SPAG11A: variants seen among roughly 807,000 people sequenced by gnomAD.
The protein encoded by SPAG11A is sperm-associated antigen 11A.
In SPAG11A, 2 loss-of-function variants were observed where a neutral mutation model predicts 5.5. The observed-to-expected ratio is 0.37, with a 90% confidence interval of 0.15 to 1.15. The LOEUF (loss-of-function observed/expected upper bound fraction) is 1.15. SPAG11A is among the 50% of genes most tolerant of loss of function. The pLI is 0.38. For synonymous variants in SPAG11A, 11 were observed against 42.7 expected (o/e 0.26, Z 2.90); for missense variants, 24 against 122.5 (o/e 0.20, Z 3.80).
downstream of SPAG11A, among the ~76,000 whole-genome samples, chr8:7,861,992 G>A (rs1290090403): frequency 2.2e-5 from 2 of 90,980 alleles, no homozygotes; most frequent in East Asian, 6.1e-4. Flanking sequence ...TTAGGCACAG[G>A]CACCGCTGCA....
At chr8:7,859,927 G>A (rs1208673380) in intron 2 of SPAG11A, among the ~76,000 whole-genome samples, 7 of 145,442 alleles carry the variant, frequency 4.8e-5, no homozygotes, top group African/African-American at 1.8e-4. Context: ...CTGTGACAGG[G>A]CTGAGATGAT....
chr8:7,857,334 G>T (rs1377543616), intron 2 of SPAG11A, among the ~76,000 whole-genome samples: 1 of 97,078 alleles, frequency 1.0e-5, no homozygotes, highest in African/African-American at 3.1e-5. Flanking sequence ...TCCATGCACA[G>T]GATACATTCA....
chr8:7,852,724 T>A (rs1336408084), intron 2 of SPAG11A, among the ~76,000 whole-genome samples: 11 of 149,080 alleles, frequency 7.4e-5, no homozygotes, highest in African/African-American at 2.7e-4. Flanking sequence ...TCCCTTTCTC[T>A]GGAATGCCTC....
At chr8:7,852,339 G>A (rs1192717983) in intron 2 of SPAG11A, among the ~76,000 whole-genome samples, 5 of 152,144 alleles carry the variant, frequency 3.3e-5, no homozygotes, top group African/African-American at 9.7e-5. Flanking sequence ...TTGAGACAGA[G>A]TTTCACCCTT....
chr8:7,852,587 C>T (rs1340027955), intron 2 of SPAG11A, among the ~76,000 whole-genome samples: 2 of 148,964 alleles, frequency 1.3e-5, no homozygotes, highest in Non-Finnish European at 3.0e-5. Context: ...TCCGCCTCGG[C>T]CTCCCGAAGT....
At chr8:7,852,486 A>G (rs1314141723) in intron 2 of SPAG11A, among the ~76,000 whole-genome samples, 2 of 152,134 alleles carry the variant, frequency 1.3e-5, no homozygotes, top group Non-Finnish European at 2.9e-5. Context: ...GGTGTCCACC[A>G]CCATGCCTGG....
intron 2 of SPAG11A, among the ~76,000 whole-genome samples, chr8:7,858,388 C>G (rs1392947487): frequency 2.1e-5 from 2 of 96,602 alleles, no homozygotes; most frequent in African/African-American, 5.8e-5. Flanking sequence ...CCCTCCAGCC[C>G]AGGATGACAC....
intron 2 of SPAG11A, among the ~76,000 whole-genome samples, chr8:7,852,335 C>T (rs552954636): frequency 6.6e-6 from 1 of 152,188 alleles, no homozygotes; most frequent in South Asian, 2.1e-4. Flanking sequence ...TTTTTTGAGA[C>T]AGAGTTTCAC....
intron 2 of SPAG11A, among the ~76,000 whole-genome samples, chr8:7,852,615 G>C (rs1394943323): frequency 3.0e-3 from 448 of 151,730 alleles, no homozygotes; most frequent in South Asian, 0.012. Context: ...TTACAGGCGT[G>C]AGCCACCGCG....
rs780550287 is a variant in SPAG11A at position 7,860,449 on chromosome 8, C to T, written c.215-197C>T. 2.8e-6 allele frequency: 4 copies of T among 1,420,132 alleles called. No individual in the cohort carries two copies. The Admixed American group carries it at 7.8e-5, about 28-fold the overall frequency. The allele number at this position is 1,420,132 out of a possible 1,614,324, so 88.0% of individuals were successfully genotyped here. On this transcript the variant is annotated intron_variant, in intron 2 of 2. Transcript: ENST00000642566. ...TGAGCATTCATAAAACACACCCTAT[C>T]ATCCTCCTGGCAACATTTCAGATAT...
At chr8:7,857,964 T>C (rs1025314293) in intron 2 of SPAG11A, among the ~76,000 whole-genome samples, 4 of 101,450 alleles carry the variant, frequency 3.9e-5, no homozygotes, top group Middle Eastern at 4.5e-3. Flanking sequence ...GAAAATATGA[T>C]GTGTCTAATC....
At chr8:7,852,324 T>A (rs1170208209) in intron 2 of SPAG11A, among the ~76,000 whole-genome samples, 1 of 152,284 alleles carries the variant, frequency 6.6e-6, no homozygotes, top group Non-Finnish European at 1.5e-5. Context: ...TTTTTTCTTT[T>A]TTTTTTGAGA....
intron 2 of SPAG11A, among the ~76,000 whole-genome samples, chr8:7,852,281 T>G (rs1328389188): frequency 4.0e-4 from 61 of 152,192 alleles, no homozygotes; most frequent in Admixed American, 2.6e-4. Flanking sequence ...TCTGTAAAAT[T>G]TAATAGTTTT....
chr8:7,856,935 G>A (rs2128927940), intron 2 of SPAG11A, among the ~76,000 whole-genome samples: 1 of 148,082 alleles, frequency 6.8e-6, no homozygotes, highest in South Asian at 2.2e-4. Flanking sequence ...ATTGCTTTCT[G>A]GGTCTGTGAT....
chr8:7,857,521 T>C (rs993879644), intron 2 of SPAG11A, among the ~76,000 whole-genome samples: 2 of 81,418 alleles, frequency 2.5e-5, no homozygotes, highest in African/African-American at 6.7e-5. Context: ...ATTTCACATT[T>C]TAATCGATTT....
chr8:7,860,991 T>G (rs1234864558), downstream of SPAG11A: 4 of 657,638 alleles, frequency 6.1e-6, no homozygotes, highest in African/African-American at 5.9e-5. Context: ...TACTTCTCCA[T>G]GTACTGCCTT....
Position 7,860,673 on chromosome 8 carries a change from C to A in SPAG11A, c.242C>A (p.Thr81Asn), listed in dbSNP as rs749047751. ...GATGTTCCACTGGGAATTAGAAATA[C>A]CATCTGCCGTATGCAGCAAGGGATC... The change falls in exon 3 of 3, where the codon ACC becomes AAC. Residue 81 changes from threonine (T) to asparagine (N), a missense_variant. This residue lies in a region of SPAG11A where 18 missense variants were observed against 26.3 expected (regional missense o/e 0.68). Coordinates refer to ENST00000642566, the Ensembl canonical transcript of SPAG11A. The A allele has an allele frequency of 2.0e-6, 3 of 1,521,916 alleles. 1 individual carries two copies. Among genetic ancestry groups the A allele is most frequent in the Non-Finnish European group, 2.6e-6 (3 of 1,132,230 alleles). The allele number at this position is 1,521,916 out of a possible 1,614,324, so 94.3% of individuals were successfully genotyped here.
In SPAG11A at chr8:7,857,937, G is replaced by T. The variant is rs1288821870; in HGVS notation, c.215-2709G>T. On this transcript the variant is annotated intron_variant, in intron 2 of 2. Transcript: ENST00000642566. Reference sequence around the variant, plus strand: ...TGGTTGTTGAGGCTGGTTAAATAACGCAGAAGACAGCTTGCAGAAAATATG... The same window carrying T: ...TGGTTGTTGAGGCTGGTTAAATAACTCAGAAGACAGCTTGCAGAAAATATG... 3.2e-4 allele frequency among the ~76,000 whole-genome samples: 31 copies of T among 95,454 alleles called. 4 individuals carry two copies. The highest frequency in any genetic ancestry group is 2.4e-3 in the Admixed American group (22 of 9,176). The allele number at this position is 95,454 out of a possible 152,430, so 62.6% of individuals were successfully genotyped here. A position where few individuals can be genotyped will look rare whatever the true frequency, so the allele number is the denominator to read the frequency against.
chr8:7,863,728 A>T (rs1447487360), downstream of SPAG11A: 981 of 968,638 alleles, frequency 1.0e-3, 16 homozygotes, highest in East Asian at 0.025. Flanking sequence ...CTCCCCAGGG[A>T]TCCATGTGAG....
Sources: gnomAD v4.1 joint callset for allele counts (sites outside exome capture counted in the v4.1 genomes callset) on GRCh38, gnomAD v4.1.1 for gene constraint, gnomAD v4.1.1 regional missense constraint, MANE v1.5 for transcripts, NCBI Gene and HGNC (gene_info 2026-07-23, HGNC 2026-07-21) for gene names.